Variants in CRADD observed in about 807,000 individuals in gnomAD.
CRADD encodes the protein CARD and death domain containing adaptor protein, also known as death domain-containing protein CRADD.
Under a neutral mutation model 15.5 loss-of-function variants are expected in CRADD, and 9 were observed. The ratio of observed to expected loss-of-function variants is 0.58; its 90% CI spans 0.35 to 1.01. The LOEUF (loss-of-function observed/expected upper bound fraction) is 1.01. Ranked by LOEUF, CRADD falls within the 50% of genes least tolerant of loss-of-function variation. CRADD has a pLI of 0.02. For synonymous variants in CRADD, 118 were observed against 107.6 expected, an observed-to-expected ratio of 1.10 and a Z score of -0.60; for missense variants, 227 against 250.3, an observed-to-expected ratio of 0.91 and a Z score of 0.63.
At chr12:93,884,510 T>C (rs1028325883) in intron 2 of CRADD, among the ~76,000 whole-genome samples, 6 of 152,164 alleles carry the variant, frequency 3.9e-5, no homozygotes, top group African/African-American at 1.4e-4. Flanking sequence ...AACGCCCACC[T>C]GCACACAGGG....
chr12:93,827,899 GTGGTTCCCTCCTGGC>G (rs1957842543), intron 2 of CRADD, among the ~76,000 whole-genome samples: 1 of 152,144 alleles, frequency 6.6e-6, no homozygotes, highest in South Asian at 2.1e-4. Context: ...TCCCCCAGTA[GTGGTTCCCTCCTGGC>G]AACCACTATT....
intron 2 of CRADD, among the ~76,000 whole-genome samples, chr12:93,768,134 G>A (rs1270275899): frequency 3.3e-5 from 5 of 152,096 alleles, no homozygotes; most frequent in East Asian, 1.9e-4. Flanking sequence ...TAGATATTAC[G>A]TAAACCAATG....
chr12:93,776,055 A>G (rs12823730), intron 2 of CRADD, among the ~76,000 whole-genome samples: 54,587 of 152,032 alleles, frequency 0.36, 11,088 homozygotes, highest in East Asian at 0.61. Flanking sequence ...TGGACATTCA[A>G]GCACACACAA....
chr12:93,893,378 C>T (rs778474663), intron 2 of CRADD, among the ~76,000 whole-genome samples: 1 of 151,270 alleles, frequency 6.6e-6, no homozygotes, highest in East Asian at 1.9e-4. Flanking sequence ...TGGACGGACA[C>T]AATTCCTAGG....
rs1456494088 is a variant in CRADD at position 93,733,480 on chromosome 12, G to C, written c.298+54408G>C. On this transcript the variant is annotated intron_variant, in intron 2 of 2. Coordinates refer to ENST00000332896, the MANE Select transcript of CRADD (RefSeq NM_003805.5). ...TTTCTCACAATCGCCCCTCTCACCA[G>C]CCACACTGAAGAGGTGATGTCATGG... 1.3e-5 allele frequency: 2 copies of C among 152,330 alleles called. 1 individual carries two copies. The highest frequency in any genetic ancestry group is 1.3e-4 in the Admixed American group (2 of 15,278). 9.4% of individuals were successfully genotyped at this position (152,330 alleles called of 1,614,324 possible).
intron 2 of CRADD, among the ~76,000 whole-genome samples, chr12:93,731,632 CCTT>C (rs1306897585): frequency 2.0e-5 from 3 of 152,190 alleles, no homozygotes; most frequent in African/African-American, 7.2e-5. Flanking sequence ...AAGGCGAACA[CCTT>C]CTTAATTACA....
chr12:93,748,382 G>A (rs561577580), intron 2 of CRADD, among the ~76,000 whole-genome samples: 13 of 148,570 alleles, frequency 8.8e-5, no homozygotes, highest in South Asian at 4.6e-4. Flanking sequence ...CTCAGCTCAC[G>A]GCAACCTCCG....
chr12:93,748,035 C>A (rs1956782603), intron 2 of CRADD, among the ~76,000 whole-genome samples: 1 of 152,000 alleles, frequency 6.6e-6, no homozygotes, highest in African/African-American at 2.4e-5. Flanking sequence ...TATTATATAT[C>A]ATATGGTAAG....
rs1017754661 is a variant in CRADD, at chr12:93,781,509, T to C, written c.299-68461T>C. 3.9e-5 allele frequency among the ~76,000 whole-genome samples: 6 copies of C among 152,254 alleles called. No individual in the cohort carries two copies. In the Middle Eastern group the frequency reaches 0.014, roughly 345 times the overall value. ...ACCATTAATGAATGATAAAATCAGG[T>C]AAAATTGGTGCTTTCTAACAGAGAA... On this transcript the variant is annotated intron_variant, in intron 2 of 2. Coordinates refer to ENST00000332896, the MANE Select transcript of CRADD (RefSeq NM_003805.5).
chr12:93,859,950 G>A (rs116975187), intron 2 of CRADD, among the ~76,000 whole-genome samples: 2,693 of 150,302 alleles, frequency 0.018, 29 homozygotes, highest in Non-Finnish European at 0.026. Context: ...GGCTGATCTC[G>A]AGCTCCTGGG....
At chr12:93,782,354 A>AG (rs1957220528) in intron 2 of CRADD, among the ~76,000 whole-genome samples, 2 of 68,028 alleles carry the variant, frequency 2.9e-5, no homozygotes, top group Admixed American at 1.7e-4. Context: ...GGGTTGGGGG[A>AG]GGGGGGAGGG....
At chr12:93,741,960 A>G (rs562218950) in intron 2 of CRADD, among the ~76,000 whole-genome samples, 3 of 152,098 alleles carry the variant, frequency 2.0e-5, no homozygotes, top group African/African-American at 7.2e-5. Context: ...TCTACACGCC[A>G]TGATCTTTGT....
chr12:93,784,741 G>T (rs1424364335), intron 2 of CRADD, among the ~76,000 whole-genome samples: 1 of 152,100 alleles, frequency 6.6e-6, no homozygotes, highest in African/African-American at 2.4e-5. Flanking sequence ...CTGTCCAGGG[G>T]GAAAGCCAGT....
chr12:93,758,220 G>C (rs1485836656), intron 2 of CRADD, among the ~76,000 whole-genome samples: 2 of 152,210 alleles, frequency 1.3e-5, no homozygotes, highest in Non-Finnish European at 2.9e-5. Flanking sequence ...AAGTAATGCA[G>C]ATGTTTTGAG....
At chr12:93,853,068 A>G (rs1228070925), downstream of CRADD, among the ~76,000 whole-genome samples, 1 of 152,146 alleles carries the variant, frequency 6.6e-6, no homozygotes, top group Non-Finnish European at 1.5e-5. Flanking sequence ...CTCTGCCTGC[A>G]TATCCTTTTC....
At chr12:93,844,763 T>C (rs1958093655) in intron 2 of CRADD, among the ~76,000 whole-genome samples, 1 of 152,048 alleles carries the variant, frequency 6.6e-6, no homozygotes, top group South Asian at 2.1e-4. Context: ...CCCCACAGGC[T>C]CTTGCAGCAA....
chr12:93,858,352 G>A (rs944073166), intron 2 of CRADD, among the ~76,000 whole-genome samples: 3 of 152,200 alleles, frequency 2.0e-5, no homozygotes, highest in African/African-American at 4.8e-5. Context: ...GACGAAGGAC[G>A]GAGGTGGGTC....
chr12:93,845,496 C>G (rs1040079837), intron 2 of CRADD, among the ~76,000 whole-genome samples: 3 of 151,792 alleles, frequency 2.0e-5, no homozygotes, highest in Admixed American at 6.6e-5. Context: ...GGCTGGGTCA[C>G]GAGGATCAGT....
chr12:93,881,439 T>TGGGGGG (rs11331682), intron 2 of CRADD, among the ~76,000 whole-genome samples: 2 of 90,044 alleles, frequency 2.2e-5, no homozygotes, highest in African/African-American at 3.1e-5. Flanking sequence ...AAAAAAAGTG[T>TGGGGGG]GGGGGGGGGG....
Sources: gnomAD v4.1 joint callset for allele counts (sites outside exome capture counted in the v4.1 genomes callset) on GRCh38, gnomAD v4.1.1 for gene constraint, MANE v1.5 for transcripts, NCBI Gene and HGNC (gene_info 2026-07-23, HGNC 2026-07-21) for gene names.